The following SLC38A6 variants were observed in gnomAD, a reference collection of about 807,000 sequenced individuals.
SLC38A6 encodes solute carrier family 38 member 6.
In SLC38A6, 73 loss-of-function variants were observed where a neutral mutation model predicts 65.0. That is an observed-to-expected ratio of 1.12 (90% CI 0.93 to 1.37). The LOEUF (loss-of-function observed/expected upper bound fraction) is 1.37, where lower values mean the gene tolerates loss of function less well. Ranked by LOEUF, SLC38A6 falls within the 40% of genes most tolerant of loss-of-function variation. The pLI, the probability that SLC38A6 is intolerant of heterozygous loss-of-function variation, is 0.00. For synonymous variants in SLC38A6, 183 were observed against 178.8 expected (o/e 1.02, Z -0.19); for missense variants, 561 against 531.1 (o/e 1.06, Z -0.55).
At chr14:61,009,087 A>G (rs2039359091) in intron 3 of SLC38A6, among the ~76,000 whole-genome samples, 1 of 152,182 alleles carries the variant, frequency 6.6e-6, no homozygotes, top group Non-Finnish European at 1.5e-5. Context: ...TCCAAGAAAA[A>G]AAGGTTACTT....
intron 15 of SLC38A6, among the ~76,000 whole-genome samples, chr14:61,064,989 G>C (rs2042975214): frequency 6.6e-6 from 1 of 152,056 alleles, no homozygotes; most frequent in African/African-American, 2.4e-5. Context: ...AGATGAATGG[G>C]GGTAATTCAC....
chr14:60,992,268 A>G (rs1167503820), intron 3 of SLC38A6, among the ~76,000 whole-genome samples: 5 of 152,212 alleles, frequency 3.3e-5, no homozygotes, highest in Admixed American at 2.0e-4. Flanking sequence ...TGTGAGCTCA[A>G]CGTGTTTAAA....
downstream of SLC38A6, among the ~76,000 whole-genome samples, chr14:61,053,666 T>C (rs1441526138): frequency 6.6e-6 from 1 of 152,234 alleles, no homozygotes; most frequent in East Asian, 1.9e-4. Context: ...ATGTGCTTGT[T>C]GGCAGCATGT....
chr14:61,021,617 G>C (rs921406301), intron 5 of SLC38A6, among the ~76,000 whole-genome samples: 26 of 152,130 alleles, frequency 1.7e-4, no homozygotes, highest in Admixed American at 1.7e-3. Flanking sequence ...TCTTAATTTT[G>C]TTGGTTTGCT....
intron 10 of SLC38A6, among the ~76,000 whole-genome samples, chr14:61,044,107 G>A (rs2041984300): frequency 6.6e-6 from 1 of 152,076 alleles, no homozygotes; most frequent in Admixed American, 6.6e-5. Flanking sequence ...TGACATGGAT[G>A]GTCTCTGCTT....
At chr14:61,036,626 G>A (rs576142365) in intron 6 of SLC38A6, among the ~76,000 whole-genome samples, 11 of 152,154 alleles carry the variant, frequency 7.2e-5, no homozygotes, top group African/African-American at 2.6e-4. Flanking sequence ...TACAAAAAGT[G>A]TATGTTCTTA....
intron 5 of SLC38A6, among the ~76,000 whole-genome samples, chr14:61,025,818 T>G (rs950979162): frequency 1.4e-4 from 22 of 152,276 alleles, no homozygotes; most frequent in Middle Eastern, 3.4e-3. Context: ...CATTTAGATA[T>G]TTTGTGGGAC....
intron 3 of SLC38A6, among the ~76,000 whole-genome samples, chr14:60,986,535 A>G (rs543223016): frequency 6.6e-6 from 1 of 152,340 alleles, no homozygotes; most frequent in East Asian, 1.9e-4. Context: ...GGCTTGGGTG[A>G]ATGTGCAGAC....
At chr14:61,055,043 C>T (rs994916137), downstream of SLC38A6, among the ~76,000 whole-genome samples, 4 of 143,682 alleles carry the variant, frequency 2.8e-5, no homozygotes, top group Non-Finnish European at 3.0e-5. Context: ...CCTACAATAC[C>T]TAGTTTGTTG....
At chr14:61,010,717 G>T (rs919185922) in intron 3 of SLC38A6, among the ~76,000 whole-genome samples, 41 of 152,214 alleles carry the variant, frequency 2.7e-4, no homozygotes, top group Non-Finnish European at 5.4e-4. Context: ...ATTTCTGAGG[G>T]CTCTGTTGTG....
At chr14:61,041,680 C>G (rs1473724792) in intron 8 of SLC38A6, among the ~76,000 whole-genome samples, 2 of 152,170 alleles carry the variant, frequency 1.3e-5, no homozygotes, top group African/African-American at 4.8e-5. Context: ...AGGCGGATTA[C>G]TTGAGCCTAG....
intron 3 of SLC38A6, among the ~76,000 whole-genome samples, chr14:61,006,629 C>T (rs970527390): frequency 2.6e-5 from 4 of 152,202 alleles, no homozygotes; most frequent in Non-Finnish European, 4.4e-5. Context: ...AATGAGATAC[C>T]ATCTCACACC....
intron 3 of SLC38A6, among the ~76,000 whole-genome samples, chr14:60,986,119 T>C (rs2037431379): frequency 6.6e-6 from 1 of 152,234 alleles, no homozygotes. Flanking sequence ...TCAGTGAGAC[T>C]ATTCTGTGCT....
chr14:61,083,653 AC>A lies in SLC38A6; in HGVS notation c.1509del (p.Lys504AsnfsTer6). On this transcript the variant is annotated frameshift_variant, in exon 17 of 17. Coordinates refer to the SLC38A6 transcript ENST00000354886. LOFTEE classifies it high-confidence loss of function. ...AGCCAAGGGAAGAGGCCTCAGGAGA[AC>A]CAAACGTGTCCACACCTTGATCTTG... The A allele has an allele frequency of 6.5e-7, 1 of 1,550,334 alleles. No homozygotes were observed. Among genetic ancestry groups the A allele is most frequent in the Non-Finnish European group, 8.7e-7 (1 of 1,146,896 alleles).
chr14:61,015,041 C>G (rs1291565079), intron 3 of SLC38A6, among the ~76,000 whole-genome samples: 1 of 152,194 alleles, frequency 6.6e-6, no homozygotes, highest in Admixed American at 6.5e-5. Context: ...CCAGTTCGAG[C>G]TTCCAGTCCA....
chr14:61,047,205 A>T (rs1256583404), intron 12 of SLC38A6, among the ~76,000 whole-genome samples: 1 of 152,140 alleles, frequency 6.6e-6, no homozygotes, highest in Non-Finnish European at 1.5e-5. Context: ...GATAAATAGA[A>T]CTATCTGGAA....
intron 12 of SLC38A6, 42 bp downstream of exon 12, chr14:61,046,209 C>A: frequency 7.8e-7 from 1 of 1,288,158 alleles, no homozygotes; most frequent in Non-Finnish European, 1.1e-6. Context: ...ATAATAGTTA[C>A]ATAGATGGCC....
At chr14:61,036,960 CTGTGTGTGTG>C (rs34977105) in intron 6 of SLC38A6, 89 bp from the exon 7 acceptor site, 266 of 438,346 alleles carry the variant, frequency 6.1e-4, no homozygotes, top group Middle Eastern at 2.8e-3. Context: ...GGTTATAACT[CTGTGTGTGTG>C]TGTGTGTGTG....
intron 15 of SLC38A6, among the ~76,000 whole-genome samples, chr14:61,070,119 G>A (rs1433658208): frequency 6.6e-6 from 1 of 152,164 alleles, no homozygotes; most frequent in Non-Finnish European, 1.5e-5. Flanking sequence ...ATATAGTGTT[G>A]TTAATTATAT....
Sources: allele counts gnomAD v4.1 joint callset (sites outside exome capture counted in the v4.1 genomes callset), GRCh38; gene constraint gnomAD v4.1.1; transcripts MANE v1.5; gene names NCBI Gene and HGNC (gene_info 2026-07-23, HGNC 2026-07-21).